Variants in REXO5 observed in about 807,000 individuals in gnomAD.
The protein encoded by REXO5 is RNA exonuclease 5.
Under a neutral mutation model 88.5 loss-of-function variants are expected in REXO5, and 48 were observed. That is an observed-to-expected ratio of 0.54 (90% confidence interval 0.43 to 0.69). The LOEUF is 0.69. Among genes scored for constraint, REXO5 ranks in the 30% least tolerant of loss-of-function variants. The pLI, the probability that REXO5 is intolerant of heterozygous loss-of-function variation, is 0.00. For synonymous variants in REXO5, 311 were observed against 336.5 expected, an observed-to-expected ratio of 0.92 and a Z score of 0.83; for missense variants, 749 against 912.2, an observed-to-expected ratio of 0.82 and a Z score of 2.30.
chr16:20,811,468 A>G (rs1365377581), intron 2 of REXO5, among the ~76,000 whole-genome samples: 2 of 152,252 alleles, frequency 1.3e-5, no homozygotes, highest in African/African-American at 4.8e-5. Flanking sequence ...TAAATTTAGA[A>G]AATGGACTAT....
intron 14 of REXO5, 42 bp downstream of exon 14, chr16:20,839,901 A>AT (rs1209027442): frequency 8.1e-7 from 1 of 1,239,270 alleles, no homozygotes; most frequent in East Asian, 2.3e-5. Context: ...TTAGTGACTT[A>AT]TTATAACCTC....
chr16:20,813,027 C>T (rs2081024114), intron 2 of REXO5, among the ~76,000 whole-genome samples, 163 bp from the exon 3 acceptor site: 1 of 152,136 alleles, frequency 6.6e-6, no homozygotes. Flanking sequence ...TCATACCTAC[C>T]ACATATTGTT....
At chr16:20,819,641 G>A (rs935481305) in intron 5 of REXO5, among the ~76,000 whole-genome samples, 1 of 151,252 alleles carries the variant, frequency 6.6e-6, no homozygotes, top group Admixed American at 6.6e-5. Flanking sequence ...TGTAATCCCA[G>A]CTACTCAGGA....
intron 5 of REXO5, among the ~76,000 whole-genome samples, chr16:20,820,346 C>G (rs2081150179): frequency 6.6e-6 from 1 of 151,462 alleles, no homozygotes; most frequent in Non-Finnish European, 1.5e-5. Flanking sequence ...GGATCAGCTA[C>G]TCACTTAGGT....
At chr16:20,826,026 T>TGGCCGGGCGCGG in intron 8 of REXO5, 78 bp downstream of exon 8, 2 of 879,720 alleles carry the variant, frequency 2.3e-6, no homozygotes, top group African/African-American at 1.7e-5. Flanking sequence ...GGCCCACAGC[T>TGGCCGGGCGCGG]TCAGTTTAGT....
At chr16:20,820,517 T>TATATATAC (rs2081154793) in intron 5 of REXO5, among the ~76,000 whole-genome samples, 2 of 1,506 alleles carry the variant, frequency 1.3e-3, no homozygotes, top group African/African-American at 4.4e-3. Flanking sequence ...TCTCTTTATA[T>TATATATAC]ATATATATAT....
Position 20,828,540 on chromosome 16 carries a change from T to C in REXO5, c.1158+3T>C. The C allele has an allele frequency of 6.2e-7, 1 of 1,600,514 alleles. No homozygotes were observed. The highest frequency in any genetic ancestry group is 1.1e-5 in the South Asian group (1 of 90,778). On this transcript the variant is annotated splice_donor_region_variant and intron_variant, in intron 11 of 19. Transcript: ENST00000261377. ...TCCTTAAGCATGGCCCAAAAAAGGT[T>C]AGTATCTTTGCCCAGTGTGTTCACC...
intron 6 of REXO5, chr16:20,823,512 T>C (rs1455581127): frequency 6.6e-6 from 1 of 152,218 alleles, no homozygotes; most frequent in Non-Finnish European, 1.5e-5. Flanking sequence ...CTAACACCTA[T>C]AAAACACCAC....
At chr16:20,819,641 G>C (rs935481305) in intron 5 of REXO5, among the ~76,000 whole-genome samples, 1 of 151,252 alleles carries the variant, frequency 6.6e-6, no homozygotes, top group African/African-American at 2.4e-5. Flanking sequence ...TGTAATCCCA[G>C]CTACTCAGGA....
chr16:20,807,731 C>A lies in REXO5; in HGVS notation c.138+640C>A, dbSNP rs540332394. On this transcript the variant is annotated intron_variant, in intron 2 of 19. Coordinates refer to ENST00000261377, the MANE Select transcript of REXO5 (RefSeq NM_030941.3). ...AGCCTGGGCAATATAGCAAGGACCC[C>A]ATCTCTTAAAAAAAAAAAACAAAAA... Among the ~76,000 whole-genome samples the A allele has an allele frequency of 1.4e-3, 203 of 143,476 alleles. 1 individual carries two copies. The highest frequency in any genetic ancestry group is 4.9e-3 in the African/African-American group (195 of 39,850). The allele number at this position is 143,476 out of a possible 152,430, so 94.1% of individuals were successfully genotyped here.
intron 18 of REXO5, 133 bp downstream of exon 18, chr16:20,845,374 C>A: frequency 1.5e-6 from 1 of 662,966 alleles, no homozygotes; most frequent in Non-Finnish European, 2.2e-6. Flanking sequence ...CCAGTCCTGG[C>A]CACATCTTTT....
intron 15 of REXO5, among the ~76,000 whole-genome samples, chr16:20,842,911 AC>A (rs1428115425): frequency 3.9e-5 from 6 of 152,196 alleles, no homozygotes; most frequent in African/African-American, 1.4e-4. Flanking sequence ...TTTTTGAGGA[AC>A]CATTATACTG....
intron 3 of REXO5, among the ~76,000 whole-genome samples, chr16:20,813,653 C>T (rs1057169723): frequency 5.9e-5 from 9 of 152,166 alleles, no homozygotes; most frequent in African/African-American, 1.9e-4. Context: ...TTTACAGTAT[C>T]TGTCTGGCTA....
At position 20,849,401 on chromosome 16, in the gene REXO5, C is replaced by T. The variant is rs2081658558; in HGVS notation, c.2246C>T (p.Thr749Ile). ...CLILLPGTKS[T>I]HGSLSGLGLM... Reference sequence around the variant, plus strand: ...CCTTTGTTTCTTATTTATTGCAGCACTCATGGTTCACTCTCTGGTCTAGGA... The same window carrying T: ...CCTTTGTTTCTTATTTATTGCAGCATTCATGGTTCACTCTCTGGTCTAGGA... The change falls in exon 20 of 20, where the codon ACT (threonine) becomes ATT (isoleucine). Residue 749 changes from threonine (T) to isoleucine (I), a missense_variant and splice_region_variant. Thr to Ile is a moderately conservative substitution (Grantham distance 89). Coordinates refer to ENST00000261377, the MANE Select transcript of REXO5 (RefSeq NM_030941.3). 6.2e-7 allele frequency: 1 copy of T among 1,613,228 alleles called. No individual in the cohort carries two copies. The highest frequency in any genetic ancestry group is 1.3e-5 in the African/African-American group (1 of 74,888).
intron 7 of REXO5, 129 bp from the exon 8 acceptor site, chr16:20,825,704 A>G (rs964561137): frequency 1.6e-6 from 1 of 640,070 alleles, no homozygotes; most frequent in Non-Finnish European, 2.7e-6. Context: ...ATCCTCTAGA[A>G]AGCAAGTTTG....
At chr16:20,821,318 G>C (rs538632313) in intron 5 of REXO5, among the ~76,000 whole-genome samples, 1 of 151,860 alleles carries the variant, frequency 6.6e-6, no homozygotes, top group East Asian at 1.9e-4. Flanking sequence ...ACGGAGTCTC[G>C]CTCTGCTGCC....
At position 20,828,528 on chromosome 16, in the gene REXO5, C is replaced by T. The variant is rs768396805; in HGVS notation, c.1149C>T (p.Gly383=). 2 of 1,611,494 alleles carry T rather than the reference C, an allele frequency of 1.2e-6. No individual in the cohort carries two copies. The highest frequency in any genetic ancestry group is 4.5e-5 in the East Asian group (2 of 44,858). ...LELARYFLKH[G]PKKIAELNLE... is the part of the protein sequence containing the mutation. ...TGGCTCGGTATTTCCTTAAGCATGG[C>T]CCAAAAAAGGTTAGTATCTTTGCCC... Residue 383 remains glycine, a synonymous_variant, in exon 11 of 20, where the codon GGC becomes GGT. Transcript: ENST00000261377.
At chr16:20,808,358 C>A (rs908122668) in intron 2 of REXO5, among the ~76,000 whole-genome samples, 4 of 152,144 alleles carry the variant, frequency 2.6e-5, no homozygotes, top group African/African-American at 9.7e-5. Context: ...GAGACAGGGT[C>A]TCTGCTCTGC....
intron 13 of REXO5, among the ~76,000 whole-genome samples, chr16:20,837,154 C>G (rs1371325700): frequency 6.6e-6 from 1 of 152,148 alleles, no homozygotes; most frequent in East Asian, 1.9e-4. Flanking sequence ...CTTTGTTATT[C>G]AGTCTTGACT....
Sources: allele counts gnomAD v4.1 joint callset (sites outside exome capture counted in the v4.1 genomes callset), GRCh38; gene constraint gnomAD v4.1.1; transcripts MANE v1.5; gene names NCBI Gene and HGNC (gene_info 2026-07-23, HGNC 2026-07-21).